The following NBAS variants were observed in gnomAD, a reference collection of about 807,000 sequenced individuals.
The protein encoded by NBAS is NAG/BC035112 fusion.
A neutral mutation model predicts 302.5 loss-of-function variants in NBAS; 219 were observed. The observed-to-expected ratio is 0.72, with a 90% CI of 0.65 to 0.81. The LOEUF is 0.81. Ranked by LOEUF, NBAS falls within the 30% of genes least tolerant of loss-of-function variation. The pLI is 0.00. For synonymous variants in NBAS, 1,118 were observed against 1,021.6 expected, an observed-to-expected ratio of 1.09 and a Z score of -1.80; for missense variants, 2,932 against 2,841.6, an observed-to-expected ratio of 1.03 and a Z score of -0.72.
chr2:15,436,472 A>C (rs1335093723), intron 21 of NBAS, among the ~76,000 whole-genome samples: 2 of 152,210 alleles, frequency 1.3e-5, no homozygotes. Context: ...GACAGAAAAA[A>C]TTATACTTTG....
intron 44 of NBAS, among the ~76,000 whole-genome samples, chr2:15,258,755 T>C (rs1456192595): frequency 6.6e-6 from 1 of 151,732 alleles, no homozygotes; most frequent in Non-Finnish European, 1.5e-5. Context: ...TTATCAGGAG[T>C]TTTTGATTTT....
intron 50 of NBAS, 151 bp downstream of exon 50, chr2:15,186,591 T>C (rs959583596): frequency 1.4e-5 from 16 of 1,180,462 alleles, no homozygotes; most frequent in South Asian, 2.7e-5. Flanking sequence ...CAGCACTGCT[T>C]TTCTTCATCT....
At chr2:15,168,519 T>A (rs929978320) in intron 51 of NBAS, among the ~76,000 whole-genome samples, 3 of 152,266 alleles carry the variant, frequency 2.0e-5, no homozygotes, top group African/African-American at 7.2e-5. Context: ...TGACATTTTC[T>A]TTAACTCTCT....
intron 21 of NBAS, among the ~76,000 whole-genome samples, chr2:15,438,017 G>T (rs73200626): frequency 0.012 from 1,903 of 152,306 alleles, 36 homozygotes; most frequent in African/African-American, 0.043. Context: ...ACCTGCGGCT[G>T]ACAGTCAACC....
intron 44 of NBAS, among the ~76,000 whole-genome samples, chr2:15,249,709 A>G (rs552736220): frequency 2.0e-5 from 3 of 152,336 alleles, no homozygotes; most frequent in South Asian, 2.1e-4. Context: ...CCCATTCACA[A>G]TTGCTACAAA....
chr2:15,499,517 C>T (rs1207376201), intron 11 of NBAS, among the ~76,000 whole-genome samples: 6 of 152,136 alleles, frequency 3.9e-5, no homozygotes, highest in Non-Finnish European at 8.8e-5. Context: ...AATGGAGGAA[C>T]AACCAAATAC....
the NBAS span, among the ~76,000 whole-genome samples, chr2:14,901,164 T>C: frequency 6.6e-6 from 1 of 152,204 alleles, no homozygotes; most frequent in South Asian, 2.1e-4. Flanking sequence ...AATGTCAGCA[T>C]ATATTGAGTG....
chr2:14,920,551 A>G, the NBAS span, among the ~76,000 whole-genome samples: 1 of 152,144 alleles, frequency 6.6e-6, no homozygotes, highest in Admixed American at 6.5e-5. Context: ...ATTTCCTAAT[A>G]TAGGGTTGTT....
rs369254446 is a variant in NBAS, at chr2:15,561,083, C to A, written c.117+105G>T. The A allele has an allele frequency of 2.3e-4, 175 of 767,804 alleles. 1 individual carries two copies. In the African/African-American group the frequency reaches 3.1e-3, roughly 13 times the overall value. 47.6% of individuals were successfully genotyped at this position (767,804 alleles called of 1,614,324 possible). On this transcript the variant is annotated intron_variant, in intron 1 of 51. Coordinates refer to ENST00000281513, the MANE Select transcript of NBAS (RefSeq NM_015909.4). ...ACCGCACAAGCCAACCGGCCCTAGT[C>A]CCCCACCCACCCGTCTCCACTCCCC...
intron 48 of NBAS, 101 bp downstream of exon 48, chr2:15,218,672 C>T (rs1431811035): frequency 3.3e-6 from 5 of 1,498,424 alleles, no homozygotes; most frequent in Non-Finnish European, 9.3e-7. Context: ...AGGTGATCCT[C>T]CCACCTTGGC....
chr2:15,298,995 C>A (rs1670676999), intron 40 of NBAS, among the ~76,000 whole-genome samples: 2 of 152,180 alleles, frequency 1.3e-5, no homozygotes, highest in Admixed American at 6.5e-5. Flanking sequence ...TCCAGCTTCA[C>A]ACCCAGAATC....
chr2:15,234,796 G>GT (rs1558460997), intron 45 of NBAS, 49 bp from the exon 46 acceptor site: 1 of 1,558,410 alleles, frequency 6.4e-7, no homozygotes, highest in Admixed American at 1.7e-5. Flanking sequence ...GAAATTAAAT[G>GT]TATCTACATG....
chr2:15,175,269 C>T (rs1220934601), intron 51 of NBAS, among the ~76,000 whole-genome samples: 1 of 152,122 alleles, frequency 6.6e-6, no homozygotes, highest in Non-Finnish European at 1.5e-5. Context: ...CCGGCCAACA[C>T]TTCTTTTATA....
intron 15 of NBAS, 55 bp downstream of exon 15, chr2:15,474,012 A>G (rs1680073986): frequency 2.6e-5 from 41 of 1,607,122 alleles, no homozygotes; most frequent in Non-Finnish European, 3.4e-5. Context: ...CTTTTTCTCA[A>G]TAAAAGAAAA....
At chr2:15,114,585 C>T in the NBAS span, among the ~76,000 whole-genome samples, 2 of 152,212 alleles carry the variant, frequency 1.3e-5, no homozygotes, top group Admixed American at 6.5e-5. Context: ...GAAAATATAC[C>T]ACCTTCACAA....
the NBAS span, among the ~76,000 whole-genome samples, chr2:15,128,964 A>C: frequency 6.6e-6 from 1 of 152,158 alleles, no homozygotes. Flanking sequence ...AGATAGAGGG[A>C]AAGGGTCCAG....
chr2:14,856,242 T>C, the NBAS span, among the ~76,000 whole-genome samples: 19 of 152,186 alleles, frequency 1.2e-4, no homozygotes, highest in African/African-American at 4.6e-4. Context: ...ATTACTGAAC[T>C]TGGGGTGTCC....
Position 15,178,906 on chromosome 2 carries a change from T to C in NBAS, c.6840+82A>G, listed in dbSNP as rs952768394. On this transcript the variant is annotated intron_variant, in intron 51 of 51. Coordinates refer to ENST00000281513, the MANE Select transcript of NBAS (RefSeq NM_015909.4). ...TAGTCTTCAATTAACCACGGTGTTATTTATGAGAATGAAAGTGCTAATTCA... is the reference window on the plus strand; with the variant it reads ...TAGTCTTCAATTAACCACGGTGTTACTTATGAGAATGAAAGTGCTAATTCA... The C allele has an allele frequency of 1.0e-5, 16 of 1,583,606 alleles. No individual in the cohort carries two copies. The Admixed American group carries it at 2.4e-4, about 23-fold the overall frequency.
At chr2:15,290,167 C>T (rs1449270300) in intron 41 of NBAS, among the ~76,000 whole-genome samples, 1 of 151,438 alleles carries the variant, frequency 6.6e-6, no homozygotes, top group Admixed American at 6.6e-5. Context: ...GTGAGAAAGA[C>T]AAGGAAGAAT....
Sources: gnomAD v4.1 joint callset for allele counts (sites outside exome capture counted in the v4.1 genomes callset) on GRCh38, gnomAD v4.1.1 for gene constraint, MANE v1.5 for transcripts, NCBI Gene and HGNC (gene_info 2026-07-23, HGNC 2026-07-21) for gene names.